Variants in RAP1GAP2 observed in about 807,000 individuals in gnomAD.
The protein encoded by RAP1GAP2 is RAP1 GTPase activating protein 2.
A neutral mutation model predicts 95.0 loss-of-function variants in RAP1GAP2; 27 were observed. The observed-to-expected ratio is 0.28, with a 90% CI of 0.21 to 0.39. The LOEUF (loss-of-function observed/expected upper bound fraction) is 0.39, where lower values mean the gene tolerates loss of function less well. RAP1GAP2 is among the 10% of genes least tolerant of loss of function. RAP1GAP2 has a pLI of 1.00. For missense variants in RAP1GAP2, 771 were observed against 970.0 expected, an observed-to-expected ratio of 0.79 and a Z score of 2.72; for synonymous variants, 373 against 380.9, an observed-to-expected ratio of 0.98 and a Z score of 0.24.
chr17:3,018,222 CGGCAAGTGGGTCCCAGGGA>C lies in RAP1GAP2; in HGVS notation c.1632+28_1632+46del, dbSNP rs1284659423. The C allele has an allele frequency of 1.9e-6, 3 of 1,540,824 alleles. No individual in the cohort carries two copies. The East Asian group carries it at 7.5e-5, about 38-fold the overall frequency. ...CGGTGAGTGCTGGCAGGCCCCGGGGCGGCAAGTGGGTCCCAGGGAGGCCCCCCCCAGACCTATGGAGGAA... is the reference window on the plus strand; with the variant it reads ...CGGTGAGTGCTGGCAGGCCCCGGGGCGGCCCCCCCCAGACCTATGGAGGAA... On this transcript the variant is annotated intron_variant, in intron 18 of 24. Coordinates refer to ENST00000254695, the MANE Select transcript of RAP1GAP2 (RefSeq NM_015085.5).
chr17:2,899,610 A>G (rs2041958443), intron 2 of RAP1GAP2, among the ~76,000 whole-genome samples: 1 of 151,444 alleles, frequency 6.6e-6, no homozygotes, highest in South Asian at 2.1e-4. Flanking sequence ...TCCCAGGTTC[A>G]AGTGATTCTC....
upstream of RAP1GAP2, among the ~76,000 whole-genome samples, chr17:2,773,737 T>G (rs1176177859): frequency 1.2e-5 from 1 of 86,802 alleles, no homozygotes; most frequent in African/African-American, 4.5e-5. Flanking sequence ...ATTTATTTAT[T>G]TATTTATTTA....
Position 3,008,210 on chromosome 17 carries a change from C to A in RAP1GAP2, c.1494+65C>A. 6.2e-7 allele frequency: 1 copy of A among 1,601,994 alleles called. No individual in the cohort carries two copies. ...GGATTGGGGAAGAAAGGAAGTGGTC[C>A]AAGGTCCATGGGATACTGATCCCAG... On this transcript the variant is annotated intron_variant, in intron 17 of 24. Transcript: ENST00000254695. This position sits in a 1 kb window ranked among gnomAD's most constrained non-coding sequence, Gnocchi z 4.2.
At chr17:2,841,555 C>T (rs1437674183) in intron 2 of RAP1GAP2, among the ~76,000 whole-genome samples, 2 of 152,024 alleles carry the variant, frequency 1.3e-5, no homozygotes, top group African/African-American at 4.8e-5. Flanking sequence ...ATCTGCCTGC[C>T]TCGGCCTCGG....
chr17:2,868,407 C>T (rs980919750), intron 2 of RAP1GAP2, among the ~76,000 whole-genome samples: 7 of 152,046 alleles, frequency 4.6e-5, no homozygotes, highest in East Asian at 1.9e-4. Context: ...TACATGGTGT[C>T]GAAACTGCGG....
At chr17:2,978,359 G>A (rs2045213790) in intron 8 of RAP1GAP2, among the ~76,000 whole-genome samples, 2 of 152,144 alleles carry the variant, frequency 1.3e-5, no homozygotes, top group South Asian at 4.1e-4. Context: ...CAGGCGGTGA[G>A]ATACTGCAAC....
In RAP1GAP2 at chr17:2,965,683, G is replaced by GC; in HGVS notation, c.596+41dup. 6.9e-7 allele frequency: 1 copy of GC among 1,442,266 alleles called. No homozygotes were observed. The highest frequency in any genetic ancestry group is 9.6e-7 in the Non-Finnish European group (1 of 1,040,834). 89.3% of individuals were successfully genotyped at this position (1,442,266 alleles called of 1,614,324 possible). On this transcript the variant is annotated intron_variant, in intron 8 of 24. Transcript: ENST00000254695. This position sits in a 1 kb window ranked among gnomAD's most constrained non-coding sequence, Gnocchi z 4.7. ...CTGCTTGAGGCCACTTCTCTTCCAG[G>GC]CAGGGCTCTCATCGGTGGTGTGGGG...
rs575331516 is a variant in RAP1GAP2, at chr17:2,805,312, G to A, written c.80+4762G>A. On this transcript the variant is annotated intron_variant, in intron 2 of 24. Transcript: ENST00000254695. ...TGTGGAGCTCCTTGAAGGAGCAGCC[G>A]GAACGGGAGGATCTGAGCTGGGAGC... is the stretch of plus-strand genomic sequence containing the variant. Among the ~76,000 whole-genome samples the A allele has an allele frequency of 7.9e-5, 12 of 152,166 alleles. No homozygotes were observed. The South Asian group carries it at 1.2e-3, about 16-fold the overall frequency.
At chr17:2,983,716 G>C (rs1369535952) in intron 10 of RAP1GAP2, among the ~76,000 whole-genome samples, 1 of 152,112 alleles carries the variant, frequency 6.6e-6, no homozygotes, top group Non-Finnish European at 1.5e-5. Context: ...CCTTGTACAG[G>C]TGAAAAATGA....
chr17:2,769,482 A>G (rs868825674), intron 1 of RAP1GAP2, among the ~76,000 whole-genome samples: 102 of 150,978 alleles, frequency 6.8e-4, no homozygotes, highest in African/African-American at 2.0e-3. Context: ...GTGAACCTGG[A>G]AGGCGGAGCT....
At chr17:2,893,938 C>T (rs1473737579) in intron 2 of RAP1GAP2, among the ~76,000 whole-genome samples, 4 of 152,222 alleles carry the variant, frequency 2.6e-5, no homozygotes, top group Non-Finnish European at 5.9e-5. Context: ...AGCAGGCTGC[C>T]TTCTCACCTC....
intron 2 of RAP1GAP2, among the ~76,000 whole-genome samples, chr17:2,831,938 G>T (rs2070872224): frequency 6.6e-6 from 1 of 151,716 alleles, no homozygotes; most frequent in Admixed American, 6.6e-5. Flanking sequence ...GGGCGTGGTG[G>T]CTCACGCTTT....
intron 2 of RAP1GAP2, among the ~76,000 whole-genome samples, chr17:2,853,279 C>G (rs2071960353): frequency 6.6e-6 from 1 of 151,474 alleles, no homozygotes; most frequent in African/African-American, 2.4e-5. Context: ...CAGGTGCCCC[C>G]TGTAAGCGCT....
intron 3 of RAP1GAP2, among the ~76,000 whole-genome samples, chr17:2,939,818 G>C (rs764984350): frequency 9.2e-5 from 14 of 152,246 alleles, no homozygotes; most frequent in Non-Finnish European, 1.9e-4. Flanking sequence ...AAGACGTGTG[G>C]CACCTCCATC....
chr17:2,900,934 G>A (rs1173142791), intron 2 of RAP1GAP2, among the ~76,000 whole-genome samples: 1 of 152,210 alleles, frequency 6.6e-6, no homozygotes, highest in African/African-American at 2.4e-5. Flanking sequence ...GACGGTTGCA[G>A]TGACCTCAAG....
At chr17:3,028,398 G>GATAAGCA (rs1243294283) in intron 22 of RAP1GAP2, among the ~76,000 whole-genome samples, 1 of 152,076 alleles carries the variant, frequency 6.6e-6, no homozygotes, top group Non-Finnish European at 1.5e-5. Flanking sequence ...CACGGAAGCT[G>GATAAGCA]ATAAGCAATG....
chr17:2,844,316 G>A (rs535650227), intron 2 of RAP1GAP2, among the ~76,000 whole-genome samples: 16 of 152,280 alleles, frequency 1.1e-4, no homozygotes, highest in Admixed American at 3.9e-4. Flanking sequence ...CACTGCGCCC[G>A]GCCGGCCAGC....
intron 8 of RAP1GAP2, among the ~76,000 whole-genome samples, chr17:2,973,630 G>T (rs7212144): frequency 0.067 from 10,187 of 152,240 alleles, 992 homozygotes; most frequent in African/African-American, 0.21. Context: ...TGAATTGGAA[G>T]ATAGACCCAA....
chr17:2,822,450 C>T (rs769837883), intron 2 of RAP1GAP2, among the ~76,000 whole-genome samples: 2 of 151,616 alleles, frequency 1.3e-5, no homozygotes, highest in East Asian at 1.9e-4. Context: ...GGTGAAACCT[C>T]GTTGCCAAAG....
Sources: allele counts gnomAD v4.1 joint callset (sites outside exome capture counted in the v4.1 genomes callset), GRCh38; gene constraint gnomAD v4.1.1; non-coding constraint Gnocchi (gnomAD v3.1); transcripts MANE v1.5; gene names NCBI Gene and HGNC (gene_info 2026-07-23, HGNC 2026-07-21).